The following ZNF541 variants were observed in gnomAD, a reference collection of about 807,000 sequenced individuals.
ZNF541 encodes the protein zinc finger protein 541.
A neutral mutation model predicts 123.5 loss-of-function variants in ZNF541; 23 were observed. The ratio of observed to expected loss-of-function variants is 0.19; its 90% CI spans 0.13 to 0.26. The LOEUF (loss-of-function observed/expected upper bound fraction) is 0.26. Among genes scored for constraint, ZNF541 ranks in the 10% least tolerant of loss-of-function variants. The pLI is 1.00. For missense variants in ZNF541, 1,612 were observed against 1,789.9 expected, an observed-to-expected ratio of 0.90 and a Z score of 1.79; for synonymous variants, 751 against 754.5, an observed-to-expected ratio of 1.00 and a Z score of 0.08.
chr19:47,572,133 T>C (rs1568530200), intron 1 of ZNF541, among the ~76,000 whole-genome samples, 91 bp from the exon 2 acceptor site: 1 of 152,194 alleles, frequency 6.6e-6, no homozygotes, highest in Non-Finnish European at 1.5e-5. Context: ...AGAGCAACAA[T>C]TTTTGGAAGA....
chr19:47,549,966 T>C (rs141793316), intron 3 of ZNF541, among the ~76,000 whole-genome samples: 3 of 152,070 alleles, frequency 2.0e-5, no homozygotes, highest in Admixed American at 2.0e-4. Context: ...CAACCTAATA[T>C]CTGGGTTGGG....
At position 47,544,415 on chromosome 19, in the gene ZNF541, C is replaced by A; in HGVS notation, c.2114G>T (p.Gly705Val). ...CAGCGAGGCTCCTGGTGGCTCCTCC[C>A]CACCTAACTGGGTCTGCCGTTGGCC... ...STGQRQTQLG[G>V]EEPPGASLPG... The change falls in exon 5 of 17, where the codon GGG becomes GTG. Residue 705 changes from glycine to valine, a missense_variant. Around this residue, in one of 5 missense-constraint regions of ZNF541, gnomAD observed 1,080 missense variants for 1,013.8 expected, o/e 1.07. Transcript: ENST00000391901. The A allele has an allele frequency of 1.3e-6, 2 of 1,551,606 alleles. No homozygotes were observed. Among genetic ancestry groups the A allele is most frequent in the Non-Finnish European group, 1.7e-6 (2 of 1,147,008 alleles).
rs553604043 is a variant in ZNF541, at chr19:47,540,875, G to A, written c.2462+18C>T. ...CTCCTGCCAGGGTGCATGCAGGATCGGGGGCTTCTTAACTTACCCTCTGCC... is the reference window on the plus strand; with the variant it reads ...CTCCTGCCAGGGTGCATGCAGGATCAGGGGCTTCTTAACTTACCCTCTGCC... On this transcript the variant is annotated intron_variant, in intron 6 of 16. Coordinates refer to ENST00000391901, the MANE Select transcript of ZNF541 (RefSeq NM_001277075.3). 18 of 1,550,342 alleles carry A rather than the reference G, an allele frequency of 1.2e-5. No homozygotes were observed. Among genetic ancestry groups the A allele is most frequent in the South Asian group, 3.6e-5 (3 of 83,766 alleles).
intron 2 of ZNF541, among the ~76,000 whole-genome samples, chr19:47,561,637 T>A (rs1027830793): frequency 6.6e-6 from 1 of 151,694 alleles, no homozygotes; most frequent in African/African-American, 2.4e-5. Context: ...GAAGGTAGGG[T>A]TGTTAACCGC....
In ZNF541 at chr19:47,555,762, G is replaced by T. The variant is rs962989474; in HGVS notation, c.95C>A (p.Thr32Asn). 2.3e-5 allele frequency: 35 copies of T among 1,551,598 alleles called. No homozygotes were observed. The highest frequency in any genetic ancestry group is 2.8e-5 in the Non-Finnish European group (32 of 1,147,010). ...GTTGGGACCCAAATCCCGGTTGAGG[G>T]TGTCGCTGCAGTTGAGCCCTTGGCT... Reference protein sequence around the residue: ...SESQGLNCSDTLNRDLGPNTR... With the variant: ...SESQGLNCSDNLNRDLGPNTR... The change falls in exon 3 of 17, where the codon ACC becomes AAC. Residue 32 changes from threonine (T) to asparagine (N), a missense_variant. By Grantham distance (65) the Thr-to-Asn change is moderately conservative. Transcript: ENST00000391901.
chr19:47,544,534 C>T lies in ZNF541; in HGVS notation c.1995G>A (p.Leu665=). 6.4e-7 allele frequency: 1 copy of T among 1,551,578 alleles called. No homozygotes were observed. Among genetic ancestry groups the T allele is most frequent in the Non-Finnish European group, 8.7e-7 (1 of 1,146,980 alleles). The change falls in exon 5 of 17, where the codon CTG becomes CTA. Residue 665 remains leucine (L), a synonymous_variant. Transcript: ENST00000391901. The part of the protein sequence containing the change: ...AVPTPLAAPS[L]DPSRNPDISS... ...AGATGTCTGGATTCCTGGAAGGGTC[C>T]AGAGACGGTGCTGCAAGGGGCGTTG...
intron 4 of ZNF541, among the ~76,000 whole-genome samples, chr19:47,546,404 G>A (rs546202885): frequency 2.0e-5 from 3 of 152,164 alleles, no homozygotes; most frequent in Admixed American, 1.3e-4. Flanking sequence ...AGCTACTGGG[G>A]AAGCTGAGGC....
At position 47,540,024 on chromosome 19, in the gene ZNF541, A is replaced by G. The variant is rs984770250; in HGVS notation, c.2623-146T>C. The stretch of plus-strand genomic sequence containing the variant: ...TGGAGAGCTGCTGCAGCCCATGGCA[A>G]TGGCCTGCCCCTGGAGAGCCACACA... On this transcript the variant is annotated intron_variant, in intron 7 of 16. Transcript: ENST00000391901. 6 of 1,423,056 alleles carry G rather than the reference A, an allele frequency of 4.2e-6. No individual in the cohort carries two copies. The South Asian group carries it at 5.5e-5, about 13-fold the overall frequency. 88.2% of individuals were successfully genotyped at this position (1,423,056 alleles called of 1,614,324 possible).
rs1970914072 is a variant in ZNF541, at chr19:47,558,370, C to T, written c.-98-2416G>A. On this transcript the variant is annotated intron_variant, in intron 2 of 16. Transcript: ENST00000391901. ...GGCGGAGCTTGCAGTGAGCCGAGAT[C>T]GTGCCACTGCACTCCAGCCTGGGCA... Among the ~76,000 whole-genome samples the T allele has an allele frequency of 2.6e-5, 4 of 151,538 alleles. No homozygotes were observed. The South Asian group carries it at 8.4e-4, about 32-fold the overall frequency.
Position 47,545,753 on chromosome 19 carries a change from G to A in ZNF541, c.776C>T (p.Pro259Leu), listed in dbSNP as rs1212697523. Residue 259 changes from proline to leucine, a missense_variant, in exon 5 of 17, where the codon CCC becomes CTC. Physicochemically the swap from Pro to Leu is moderately conservative, Grantham distance 98 (BLOSUM62 -3). Around this residue, in one of 5 missense-constraint regions of ZNF541, gnomAD observed 1,080 missense variants for 1,013.8 expected, o/e 1.07. Coordinates refer to ENST00000391901, the MANE Select transcript of ZNF541 (RefSeq NM_001277075.3). The surrounding 1 kb of genome is among the most constrained non-coding windows in gnomAD (Gnocchi z 7.5). ...GGAGCCGGGGGACCTGGCCTCTGGG[G>A]GCACCAGGGACCGCAGGCTGCTGGG... ...PPPSSLRSLV[P>L]PEARSPGSLL... 13 of 1,543,372 alleles carry A rather than the reference G, an allele frequency of 8.4e-6. No homozygotes were observed. The East Asian group carries it at 2.9e-4, about 35-fold the overall frequency.
At chr19:47,551,054 ATT>A (rs545565238) in intron 3 of ZNF541, among the ~76,000 whole-genome samples, 1 of 141,092 alleles carries the variant, frequency 7.1e-6, no homozygotes, top group Admixed American at 7.1e-5. Context: ...TTTTTTTTTA[ATT>A]TTTTTTTTTT....
intron 2 of ZNF541, among the ~76,000 whole-genome samples, chr19:47,559,652 C>A (rs1256987216): frequency 6.6e-6 from 1 of 152,032 alleles, no homozygotes; most frequent in Admixed American, 6.6e-5. Context: ...GAGTTTGAGA[C>A]CAGCCTGGCC....
Position 47,520,981 on chromosome 19 carries a change from G to T in ZNF541, c.*243C>A. 1 of 501,818 alleles carries T rather than the reference G, an allele frequency of 2.0e-6. No individual in the cohort carries two copies. Among genetic ancestry groups the T allele is most frequent in the South Asian group, 3.2e-5 (1 of 31,272 alleles). The allele number at this position is 501,818 out of a possible 1,614,324, so 31.1% of individuals were successfully genotyped here. On this transcript the variant is annotated 3_prime_UTR_variant, in exon 17 of 17. Coordinates refer to ENST00000391901, the MANE Select transcript of ZNF541 (RefSeq NM_001277075.3). ...TCTAGAAGTGGAAGGGAAAGAAGGG[G>T]AGAGACTATGAACCTAAGGAGAGTG...
At chr19:47,558,597 TTC>T (rs1408555644) in intron 2 of ZNF541, among the ~76,000 whole-genome samples, 2 of 151,632 alleles carry the variant, frequency 1.3e-5, no homozygotes, top group African/African-American at 2.4e-5. Context: ...GAAACAGAAT[TTC>T]TTTTTTTTTT....
At chr19:47,557,077 A>G (rs1444316032) in intron 2 of ZNF541, among the ~76,000 whole-genome samples, 1 of 152,164 alleles carries the variant, frequency 6.6e-6, no homozygotes, top group East Asian at 1.9e-4. Context: ...AATATTTTCC[A>G]TATAATGGGC....
intron 2 of ZNF541, among the ~76,000 whole-genome samples, chr19:47,561,147 C>T (rs1447020816): frequency 2.6e-5 from 4 of 152,084 alleles, no homozygotes; most frequent in Non-Finnish European, 5.9e-5. Flanking sequence ...GACATTATAC[C>T]ATAGTCAAAA....
chr19:47,537,455 T>C (rs1270755632), intron 9 of ZNF541, among the ~76,000 whole-genome samples: 1 of 151,140 alleles, frequency 6.6e-6, no homozygotes, highest in Non-Finnish European at 1.5e-5. Context: ...TCCCAGCTAC[T>C]TGGGAGGCTG....
intron 2 of ZNF541, among the ~76,000 whole-genome samples, chr19:47,560,576 C>CAA (rs77981071): frequency 0.014 from 745 of 53,704 alleles, 7 homozygotes; most frequent in African/African-American, 0.045. Flanking sequence ...AACTCTGTCC[C>CAA]AAAAAAAAAA....
At chr19:47,572,605 T>C (rs141331423) in intron 1 of ZNF541, among the ~76,000 whole-genome samples, 1 of 151,414 alleles carries the variant, frequency 6.6e-6, no homozygotes, top group East Asian at 2.0e-4. Context: ...AAGGGATAAA[T>C]CTGGGTGCCC....
Sources: allele counts gnomAD v4.1 joint callset (sites outside exome capture counted in the v4.1 genomes callset), GRCh38; gene constraint gnomAD v4.1.1; regional missense constraint gnomAD v4.1.1; non-coding constraint Gnocchi (gnomAD v3.1); transcripts MANE v1.5; gene names NCBI Gene and HGNC (gene_info 2026-07-23, HGNC 2026-07-21).